RASAL2: variants seen among roughly 807,000 people sequenced by gnomAD.
The protein encoded by RASAL2 is RAS protein activator like 2.
Under a neutral mutation model 128.9 loss-of-function variants are expected in RASAL2, and 58 were observed. The ratio of observed to expected loss-of-function variants is 0.45; its 90% CI spans 0.36 to 0.56. The LOEUF (loss-of-function observed/expected upper bound fraction) is 0.56. RASAL2 is among the 20% of genes least tolerant of loss of function. RASAL2 has a pLI of 0.00. For missense variants in RASAL2, 1,360 were observed against 1,601.6 expected, an observed-to-expected ratio of 0.85 and a Z score of 2.57; for synonymous variants, 561 against 580.8, an observed-to-expected ratio of 0.97 and a Z score of 0.49.
At chr1:178,189,300 C>G (rs1662411087) in intron 1 of RASAL2, among the ~76,000 whole-genome samples, 1 of 152,066 alleles carries the variant, frequency 6.6e-6, no homozygotes, top group East Asian at 1.9e-4. Context: ...ATTCTTGCTA[C>G]ATTAGTGGGG....
intron 1 of RASAL2, among the ~76,000 whole-genome samples, chr1:178,269,503 G>C (rs766004358): frequency 2.0e-5 from 3 of 152,310 alleles, no homozygotes; most frequent in Non-Finnish European, 4.4e-5. Context: ...CACAGGATGA[G>C]ACAGGAGGTC....
intron 3 of RASAL2, chr1:178,389,326 T>C: frequency 1.1e-6 from 1 of 930,870 alleles, no homozygotes; most frequent in Non-Finnish European, 1.3e-6. Context: ...CGTATATATC[T>C]ATCATCTGTG....
intron 1 of RASAL2, among the ~76,000 whole-genome samples, chr1:178,189,374 T>A (rs1368123223): frequency 1.3e-5 from 2 of 152,184 alleles, no homozygotes; most frequent in African/African-American, 4.8e-5. Flanking sequence ...TATCCTTGAA[T>A]ACAAGTACCA....
intron 3 of RASAL2, among the ~76,000 whole-genome samples, chr1:178,307,195 T>G (rs754508613): frequency 6.6e-6 from 1 of 152,086 alleles, no homozygotes; most frequent in Non-Finnish European, 1.5e-5. Flanking sequence ...TTTATTTTGC[T>G]TGTATGTTCT....
chr1:178,139,407 T>C lies in RASAL2; in HGVS notation c.202+44713T>C, dbSNP rs530878862. On this transcript the variant is annotated intron_variant, in intron 1 of 17. Transcript: ENST00000367649. ...TCATTATCTGATTACAGCTATAAACTTTTTACTTACCCTTTTATTGATGTA... is the reference window on the plus strand; with the variant it reads ...TCATTATCTGATTACAGCTATAAACCTTTTACTTACCCTTTTATTGATGTA... Among the ~76,000 whole-genome samples the C allele has an allele frequency of 3.9e-5, 6 of 152,198 alleles. No individual in the cohort carries two copies. In the East Asian group the frequency reaches 7.7e-4, roughly 20 times the overall value.
At chr1:178,445,399 G>A in intron 8 of RASAL2, 119 bp from the exon 9 acceptor site, 6 of 1,165,678 alleles carry the variant, frequency 5.1e-6, no homozygotes, top group East Asian at 2.5e-5. Context: ...CCTTTCAGAT[G>A]AATCTGATAG....
chr1:178,443,675 T>C (rs923616287), intron 8 of RASAL2, among the ~76,000 whole-genome samples: 5 of 152,226 alleles, frequency 3.3e-5, no homozygotes, highest in African/African-American at 1.2e-4. Flanking sequence ...AGCAAGAGTC[T>C]TTGTGGGATT....
intron 7 of RASAL2, among the ~76,000 whole-genome samples, chr1:178,442,376 C>T (rs1676715092): frequency 6.6e-6 from 1 of 151,948 alleles, no homozygotes; most frequent in Admixed American, 6.6e-5. Context: ...CTTTTATTTG[C>T]AGATATTAGA....
At chr1:178,296,108 TA>T (rs1667491844) in intron 2 of RASAL2, among the ~76,000 whole-genome samples, 1 of 150,014 alleles carries the variant, frequency 6.7e-6, no homozygotes, top group South Asian at 2.1e-4. Context: ...TATGTGTATA[TA>T]TGTGTGTATA....
At chr1:178,189,430 G>A (rs1043651845) in intron 1 of RASAL2, among the ~76,000 whole-genome samples, 1 of 152,158 alleles carries the variant, frequency 6.6e-6, no homozygotes, top group African/African-American at 2.4e-5. Context: ...AATTCATCCT[G>A]AGTCATTGGT....
At chr1:178,116,532 CTT>C (rs796329539) in intron 1 of RASAL2, among the ~76,000 whole-genome samples, 2 of 146,678 alleles carry the variant, frequency 1.4e-5, no homozygotes. Flanking sequence ...TTAAACATTA[CTT>C]TTTTTTTTTA....
chr1:178,465,192 G>A lies in RASAL2; in HGVS notation c.3388-728G>A, dbSNP rs377342196. 4.6e-5 allele frequency among the ~76,000 whole-genome samples: 7 copies of A among 152,200 alleles called. No homozygotes were observed. In the East Asian group the frequency reaches 1.4e-3, roughly 29 times the overall value. On this transcript the variant is annotated intron_variant, in intron 15 of 17. Coordinates refer to ENST00000367649, the MANE Select transcript of RASAL2 (RefSeq NM_170692.4). ...GTTCCAGCAAGCAGTACAAAATTGG[G>A]CAGGTGAGTCATATTACAAAAATGG...
chr1:178,365,455 T>C (rs1035734331), intron 3 of RASAL2, among the ~76,000 whole-genome samples: 1 of 151,470 alleles, frequency 6.6e-6, no homozygotes, highest in Non-Finnish European at 1.5e-5. Flanking sequence ...TGTTATGTTA[T>C]GTTATGTTAT....
rs370531086 is a variant in RASAL2 at position 178,443,063 on chromosome 1, A to G, written c.1316A>G (p.Gln439Arg). 8.7e-6 allele frequency: 14 copies of G among 1,613,960 alleles called. No individual in the cohort carries two copies. The highest frequency in any genetic ancestry group is 1.0e-5 in the Non-Finnish European group (12 of 1,179,968). Residue 439 changes from glutamine to arginine, a missense_variant, in exon 8 of 18, where the codon CAA (glutamine) becomes CGA (arginine). Gln to Arg is a conservative substitution (Grantham distance 43). Around this residue, in one of 3 missense-constraint regions of RASAL2, gnomAD observed 617 missense variants for 714.2 expected, o/e 0.86. Coordinates refer to ENST00000367649, the MANE Select transcript of RASAL2 (RefSeq NM_170692.4). ...TCTATTCGGATTAAATCACGTTTCC[A>G]AACTATCACCATTCTGCCTATGGAG... ...GPSIRIKSRF[Q>R]TITILPMEQY...
intron 13 of RASAL2, 28 bp downstream of exon 13, chr1:178,456,927 C>A (rs568210696): frequency 1.3e-6 from 2 of 1,591,330 alleles, no homozygotes; most frequent in South Asian, 2.2e-5. Context: ...TGACCACTAT[C>A]TCGGAGAAAC....
intron 3 of RASAL2, among the ~76,000 whole-genome samples, chr1:178,369,519 G>C (rs1671588478): frequency 6.6e-6 from 1 of 151,208 alleles, no homozygotes; most frequent in Non-Finnish European, 1.5e-5. Flanking sequence ...CACAGCACCT[G>C]GTCTGGGTGC....
chr1:178,095,587 A>G (rs1014192361), intron 1 of RASAL2, among the ~76,000 whole-genome samples: 2 of 152,208 alleles, frequency 1.3e-5, no homozygotes, highest in Non-Finnish European at 2.9e-5. Flanking sequence ...ATCAAACACA[A>G]TGTTAAGATG....
At chr1:178,212,735 C>T (rs1663295848) in intron 1 of RASAL2, among the ~76,000 whole-genome samples, 1 of 152,136 alleles carries the variant, frequency 6.6e-6, no homozygotes, top group Admixed American at 6.5e-5. Flanking sequence ...CATGATCCAC[C>T]TGCCTCAGCC....
intron 5 of RASAL2, among the ~76,000 whole-genome samples, chr1:178,430,816 T>A (rs1346799048): frequency 3.3e-5 from 5 of 151,860 alleles, no homozygotes; most frequent in Admixed American, 6.6e-5. Flanking sequence ...GTTTGAGTGT[T>A]TTTTTCCATT....
Sources: gnomAD v4.1 joint callset for allele counts (sites outside exome capture counted in the v4.1 genomes callset) on GRCh38, gnomAD v4.1.1 for gene constraint, gnomAD v4.1.1 regional missense constraint, MANE v1.5 for transcripts, NCBI Gene and HGNC (gene_info 2026-07-23, HGNC 2026-07-21) for gene names.